RAB10: variants seen among roughly 807,000 people sequenced by gnomAD.
RAB10 encodes the protein RAB10, member RAS oncogene family.
In RAB10, 5 loss-of-function variants were observed where a neutral mutation model predicts 25.7. That is an observed-to-expected ratio of 0.19 (90% confidence interval 0.10 to 0.41). The LOEUF (loss-of-function observed/expected upper bound fraction) is 0.41. Among genes scored for constraint, RAB10 ranks in the 10% least tolerant of loss-of-function variants. The probability of loss-of-function intolerance (pLI) is 1.00; values close to 1 mark genes in which losing one functional copy is unlikely to be tolerated. For synonymous variants in RAB10, 89 were observed against 86.4 expected, an observed-to-expected ratio of 1.03 and a Z score of -0.16; for missense variants, 103 against 245.8, an observed-to-expected ratio of 0.42 and a Z score of 3.89.
intron 3 of RAB10, among the ~76,000 whole-genome samples, chr2:26,113,994 A>G (rs1313236145): frequency 6.6e-6 from 1 of 152,194 alleles, no homozygotes; most frequent in Non-Finnish European, 1.5e-5. Flanking sequence ...TTGTAATAAT[A>G]TCAAAAGGCA....
intron 1 of RAB10, among the ~76,000 whole-genome samples, chr2:26,092,283 G>C (rs1667124033): frequency 1.9e-5 from 2 of 105,014 alleles, no homozygotes; most frequent in South Asian, 5.7e-4. Context: ...GTGTGTGTGT[G>C]TGTGTGTGTG....
chr2:26,067,185 A>C (rs2384321), intron 1 of RAB10, among the ~76,000 whole-genome samples: 1 of 152,084 alleles, frequency 6.6e-6, no homozygotes, highest in African/African-American at 2.4e-5. Context: ...CCAAAGTGCT[A>C]GGTTTACAAG....
rs535461028 is a variant in RAB10, at chr2:26,115,245, C to T, written c.327+5339C>T. Reference sequence around the variant, plus strand: ...AGCAGTTCTACTCTTAGGTATTTACCCAAGAGAATTAACAATATATATCCA... The same window carrying T: ...AGCAGTTCTACTCTTAGGTATTTACTCAAGAGAATTAACAATATATATCCA... On this transcript the variant is annotated intron_variant, in intron 3 of 5. Transcript: ENST00000264710. Among the ~76,000 whole-genome samples, 3 of 151,856 alleles carry T rather than the reference C, an allele frequency of 2.0e-5. No homozygotes were observed. In the East Asian group the frequency reaches 5.8e-4, roughly 29 times the overall value.
intron 5 of RAB10, among the ~76,000 whole-genome samples, chr2:26,131,254 C>T (rs1668007724): frequency 6.6e-6 from 1 of 152,078 alleles, no homozygotes. Context: ...TACACTAATA[C>T]TAACCATAGC....
chr2:26,094,194 CCTTA>C (rs1667162510), intron 1 of RAB10, among the ~76,000 whole-genome samples: 1 of 151,472 alleles, frequency 6.6e-6, no homozygotes, highest in African/African-American at 2.4e-5. Context: ...CAGCCTTTTT[CCTTA>C]CTTAAAAAAA....
At chr2:26,115,553 A>G (rs1667665789) in intron 3 of RAB10, among the ~76,000 whole-genome samples, 1 of 152,178 alleles carries the variant, frequency 6.6e-6, no homozygotes, top group Non-Finnish European at 1.5e-5. Flanking sequence ...CAGAAAGTAG[A>G]TTCATGATTG....
At chr2:26,054,364 A>G (rs866782533) in intron 1 of RAB10, among the ~76,000 whole-genome samples, 8 of 151,492 alleles carry the variant, frequency 5.3e-5, no homozygotes, top group South Asian at 4.2e-4. Context: ...TAATGTTTGT[A>G]TTTTTAGTAG....
chr2:26,085,388 G>A (rs1338473375), intron 1 of RAB10, among the ~76,000 whole-genome samples: 1 of 151,308 alleles, frequency 6.6e-6, no homozygotes, highest in Non-Finnish European at 1.5e-5. Context: ...TACTTGGGAG[G>A]TTGAGGCAGG....
intron 1 of RAB10, among the ~76,000 whole-genome samples, chr2:26,062,857 G>A (rs1352208526): frequency 2.0e-5 from 3 of 152,122 alleles, no homozygotes; most frequent in Non-Finnish European, 4.4e-5. Flanking sequence ...GCTCATGCCT[G>A]TAATTCCAGC....
At chr2:26,036,436 G>A in intron 1 of RAB10, among the ~76,000 whole-genome samples, 1 of 152,132 alleles carries the variant, frequency 6.6e-6, no homozygotes, top group Non-Finnish European at 1.5e-5. Context: ...CTTGGCGGGC[G>A]GATCACAAGG....
At chr2:26,070,192 CTCAGTTTT>C (rs1002625347) in intron 1 of RAB10, among the ~76,000 whole-genome samples, 20 of 152,180 alleles carry the variant, frequency 1.3e-4, no homozygotes, top group Non-Finnish European at 2.1e-4. Context: ...CCTTCTTGGC[CTCAGTTTT>C]TCAGAGTAGA....
intron 1 of RAB10, among the ~76,000 whole-genome samples, chr2:26,079,901 C>A (rs1315847467): frequency 6.6e-6 from 1 of 152,166 alleles, no homozygotes; most frequent in Non-Finnish European, 1.5e-5. Context: ...CTCAAGCCAT[C>A]CACCTGCCTC....
intron 1 of RAB10, among the ~76,000 whole-genome samples, chr2:26,039,561 C>T (rs1225395585): frequency 6.6e-6 from 1 of 151,986 alleles, no homozygotes; most frequent in Non-Finnish European, 1.5e-5. Context: ...GTTGGCCAGG[C>T]TGGTCAAGAA....
At chr2:26,122,236 C>T (rs763594424) in intron 3 of RAB10, among the ~76,000 whole-genome samples, 7 of 152,206 alleles carry the variant, frequency 4.6e-5, no homozygotes. Flanking sequence ...TCACTGCAGC[C>T]ACAGCAGGAG....
intron 1 of RAB10, among the ~76,000 whole-genome samples, chr2:26,096,136 T>A (rs1026360737): frequency 1.3e-5 from 2 of 152,236 alleles, no homozygotes; most frequent in South Asian, 4.1e-4. Context: ...GGGACTGCTC[T>A]ATTGCTGGGA....
intron 3 of RAB10, among the ~76,000 whole-genome samples, chr2:26,113,741 G>T (rs1316046977): frequency 1.6e-5 from 1 of 63,078 alleles, no homozygotes; most frequent in African/African-American, 6.4e-5. Context: ...TCCAGCCAGA[G>T]CTAAAAAAAA....
chr2:26,036,913 A>C (rs552046515), intron 1 of RAB10, among the ~76,000 whole-genome samples: 1 of 152,024 alleles, frequency 6.6e-6, no homozygotes, highest in East Asian at 2.0e-4. Flanking sequence ...CAGCTTCCTG[A>C]GTAGCAGAGA....
At chr2:26,092,421 G>A (rs1209698880) in intron 1 of RAB10, among the ~76,000 whole-genome samples, 1 of 151,808 alleles carries the variant, frequency 6.6e-6, no homozygotes, top group African/African-American at 2.4e-5. Context: ...AGGTAACTTC[G>A]AAGAAGTTTG....
At chr2:26,056,403 T>A (rs1405563445) in intron 1 of RAB10, among the ~76,000 whole-genome samples, 1 of 152,072 alleles carries the variant, frequency 6.6e-6, no homozygotes, top group African/African-American at 2.4e-5. Flanking sequence ...TTCACCTTGT[T>A]GGCCAGTATG....
Sources: allele counts gnomAD v4.1 joint callset (sites outside exome capture counted in the v4.1 genomes callset), GRCh38; gene constraint gnomAD v4.1.1; transcripts MANE v1.5; gene names NCBI Gene and HGNC (gene_info 2026-07-23, HGNC 2026-07-21).